The following EPS8 variants were observed in gnomAD, a reference collection of about 807,000 sequenced individuals.
EPS8 encodes the protein EGFR pathway substrate 8, signaling adaptor.
Under a neutral mutation model 103.8 loss-of-function variants are expected in EPS8, and 42 were observed. The observed-to-expected ratio is 0.40, with a 90% confidence interval of 0.32 to 0.52. EPS8 has a LOEUF of 0.52. Ranked by LOEUF, EPS8 falls within the 20% of genes least tolerant of loss-of-function variation. The pLI, the probability that EPS8 is intolerant of heterozygous loss-of-function variation, is 0.40. For synonymous variants in EPS8, 344 were observed against 344.6 expected (o/e 1.00, Z 0.02); for missense variants, 969 against 1,005.1 (o/e 0.96, Z 0.49).
chr12:15,669,566 C>G, intron 5 of EPS8, 30 bp from the exon 6 acceptor site: 2 of 1,572,762 alleles, frequency 1.3e-6, no homozygotes, highest in Non-Finnish European at 1.7e-6. Flanking sequence ...TTTATTTTGT[C>G]AAACTTCCAT....
intron 1 of EPS8, among the ~76,000 whole-genome samples, chr12:15,694,431 C>A (rs1300724133): frequency 6.6e-6 from 1 of 152,112 alleles, no homozygotes; most frequent in African/African-American, 2.4e-5. Flanking sequence ...AGGCAATAAC[C>A]CCAGTTAAAT....
Position 15,757,272 on chromosome 12 carries a change from T to C in EPS8, c.-22+31889A>G, listed in dbSNP as rs1391344630. On this transcript the variant is annotated intron_variant, in intron 1 of 20. Transcript: ENST00000281172. This position sits in a 1 kb window ranked among gnomAD's most constrained non-coding sequence, Gnocchi z 4.1. ...CAAGAAACTTGGTGGAAGCTGATTC[T>C]ATCCAAAATTAAACTTTCCTTCAGA... is the stretch of plus-strand genomic sequence containing the variant. Among the ~76,000 whole-genome samples the C allele has an allele frequency of 1.3e-5, 2 of 152,200 alleles. No homozygotes were observed.
At chr12:15,719,018 T>C (rs1946563996) in intron 1 of EPS8, among the ~76,000 whole-genome samples, 1 of 151,850 alleles carries the variant, frequency 6.6e-6, no homozygotes, top group African/African-American at 2.4e-5. Context: ...TATATAGCAA[T>C]GGGAAGGAAG....
rs1178245693 is a variant in EPS8, at chr12:15,721,531, T to A, written c.-21-38559A>T. ...GTGAACCAATAGATAAAAAATTTCATCTCCAAACCCCCAGGCAGCTCTCCA... is the reference window on the plus strand; with the variant it reads ...GTGAACCAATAGATAAAAAATTTCAACTCCAAACCCCCAGGCAGCTCTCCA... On this transcript the variant is annotated intron_variant, in intron 1 of 20. Coordinates refer to ENST00000281172, the MANE Select transcript of EPS8 (RefSeq NM_004447.6). The surrounding 1 kb of genome is among the most constrained non-coding windows in gnomAD (Gnocchi z 4.4). Among the ~76,000 whole-genome samples, 1 of 152,144 alleles carries A rather than the reference T, an allele frequency of 6.6e-6. No homozygotes were observed. The highest frequency in any genetic ancestry group is 1.5e-5 in the Non-Finnish European group (1 of 68,030).
In EPS8 at chr12:15,632,574, C is replaced by T. The variant is rs577609500; in HGVS notation, c.1822-910G>A. On this transcript the variant is annotated intron_variant, in intron 17 of 20. Transcript: ENST00000281172. ...TTGTAATTAAGGCAAAGTTTAGATA[C>T]TGCACTGGCACAATTTTAATTATTC... 7.9e-5 allele frequency among the ~76,000 whole-genome samples: 12 copies of T among 152,302 alleles called. No individual in the cohort carries two copies. In the South Asian group the frequency reaches 2.1e-3, roughly 26 times the overall value.
chr12:15,765,984 T>TTTTGTG (rs1255641366), intron 1 of EPS8, among the ~76,000 whole-genome samples: 2 of 151,518 alleles, frequency 1.3e-5, no homozygotes, highest in Non-Finnish European at 2.9e-5. Flanking sequence ...CAGCTAATGT[T>TTTTGTG]TTTGTATTTT....
chr12:15,702,589 T>C lies in EPS8; in HGVS notation c.-21-19617A>G, dbSNP rs760011860. On this transcript the variant is annotated intron_variant, in intron 1 of 20. Coordinates refer to ENST00000281172, the MANE Select transcript of EPS8 (RefSeq NM_004447.6). This position sits in a 1 kb window ranked among gnomAD's most constrained non-coding sequence, Gnocchi z 5.1. ...CTGAAGAAAAAAAATGCATGCTTAA[T>C]GTTTTTACCTATCTCTAAAACATAT... 3.9e-5 allele frequency among the ~76,000 whole-genome samples: 6 copies of C among 152,148 alleles called. No individual in the cohort carries two copies. Among genetic ancestry groups the C allele is most frequent in the Non-Finnish European group, 7.3e-5 (5 of 68,028 alleles).
At chr12:15,726,987 A>G (rs1321575022) in intron 1 of EPS8, among the ~76,000 whole-genome samples, 3 of 152,218 alleles carry the variant, frequency 2.0e-5, no homozygotes, top group Admixed American at 6.5e-5. Flanking sequence ...AACTGTACTA[A>G]TTTAAACATA....
chr12:15,726,456 G>A (rs2135985612), intron 1 of EPS8, among the ~76,000 whole-genome samples: 1 of 152,234 alleles, frequency 6.6e-6, no homozygotes, highest in East Asian at 1.9e-4. Context: ...AGTCCAAGTA[G>A]AAGGACCAGA....
At position 15,641,751 on chromosome 12, in the gene EPS8, G is replaced by A. The variant is rs768237529; in HGVS notation, c.1648C>T (p.Leu550Phe). ...AAAATATCATCCTTTAGAACCGAGA[G>A]CTCACTGTTGTTCCTTGCTACAAAG... ...YDFVARNNSE[L>F]SVLKDDILEI... is the part of the protein sequence containing the mutation. Residue 550 changes from leucine (L) to phenylalanine (F), a missense_variant, in exon 16 of 21, where the codon CTC (leucine) becomes TTC (phenylalanine). By Grantham distance (22) the Leu-to-Phe change is conservative. Coordinates refer to ENST00000281172, the MANE Select transcript of EPS8 (RefSeq NM_004447.6). 1.3e-6 allele frequency: 2 copies of A among 1,587,690 alleles called. No homozygotes were observed. The highest frequency in any genetic ancestry group is 1.7e-6 in the Non-Finnish European group (2 of 1,164,122).
At chr12:15,626,500 G>A (rs1455056621) in intron 18 of EPS8, among the ~76,000 whole-genome samples, 3 of 151,756 alleles carry the variant, frequency 2.0e-5, no homozygotes, top group African/African-American at 7.3e-5. Context: ...GTGGTGGCAT[G>A]TGCCTGTGGC....
At chr12:15,654,588 T>C (rs1257135076) in intron 12 of EPS8, among the ~76,000 whole-genome samples, 1 of 152,176 alleles carries the variant, frequency 6.6e-6, no homozygotes, top group Non-Finnish European at 1.5e-5. Context: ...TGCAGAGAAT[T>C]CTAGATCAGG....
rs1483703906 is a variant in EPS8 at position 15,779,394 on chromosome 12, C to T, written c.-22+9767G>A. ...ACTTAAAATCATCTTATTGTACATT[C>T]AGGTCTAAAATTACCATCAACTTTA... On this transcript the variant is annotated intron_variant, in intron 1 of 20. Transcript: ENST00000281172. The surrounding 1 kb of genome is among the most constrained non-coding windows in gnomAD (Gnocchi z 4.3). Among the ~76,000 whole-genome samples the T allele has an allele frequency of 3.3e-5, 5 of 152,158 alleles. No individual in the cohort carries two copies. Among genetic ancestry groups the T allele is most frequent in the Admixed American group, 3.3e-4 (5 of 15,278 alleles).
intron 1 of EPS8, among the ~76,000 whole-genome samples, chr12:15,741,075 TA>T (rs1218834843): frequency 6.6e-6 from 1 of 152,090 alleles, no homozygotes; most frequent in South Asian, 2.1e-4. Flanking sequence ...GGGGTATATC[TA>T]AAAAATGCTC....
In EPS8 at chr12:15,684,855, T is replaced by A. The variant is rs1007351513; in HGVS notation, c.-21-1883A>T. Among the ~76,000 whole-genome samples, 2 of 152,246 alleles carry A rather than the reference T, an allele frequency of 1.3e-5. No individual in the cohort carries two copies. Among genetic ancestry groups the A allele is most frequent in the African/African-American group, 4.8e-5 (2 of 41,474 alleles). ...GATCGGCCTCTGCCCTATACATGCA[T>A]GTACTTATAAAATTACATGTATATT... On this transcript the variant is annotated intron_variant, in intron 1 of 20. Transcript: ENST00000281172. This position sits in a 1 kb window ranked among gnomAD's most constrained non-coding sequence, Gnocchi z 4.9.
chr12:15,663,758 A>T (rs1945648395), intron 8 of EPS8, among the ~76,000 whole-genome samples: 1 of 150,476 alleles, frequency 6.6e-6, no homozygotes, highest in Non-Finnish European at 1.5e-5. Context: ...CTCCATCTCT[A>T]CTAAAAATAC....
chr12:15,661,102 T>C (rs1243686133), intron 9 of EPS8, among the ~76,000 whole-genome samples: 1 of 152,176 alleles, frequency 6.6e-6, no homozygotes, highest in East Asian at 1.9e-4. Context: ...TACTGATAAA[T>C]GTCCCAATAA....
At chr12:15,660,226 A>G (rs1298328728) in intron 10 of EPS8, among the ~76,000 whole-genome samples, 2 of 151,846 alleles carry the variant, frequency 1.3e-5, no homozygotes, top group Non-Finnish European at 2.9e-5. Context: ...CAGTCAATGA[A>G]GTTTTGCTAA....
intron 1 of EPS8, among the ~76,000 whole-genome samples, chr12:15,744,229 T>G (rs73054960): frequency 6.6e-6 from 1 of 152,280 alleles, no homozygotes; most frequent in Non-Finnish European, 1.5e-5. Context: ...AAAAAGAAAC[T>G]TTCTTCTAGA....
Sources: allele counts gnomAD v4.1 joint callset (sites outside exome capture counted in the v4.1 genomes callset), GRCh38; gene constraint gnomAD v4.1.1; non-coding constraint Gnocchi (gnomAD v3.1); transcripts MANE v1.5; gene names NCBI Gene and HGNC (gene_info 2026-07-23, HGNC 2026-07-21).